OCLN: variants seen among roughly 807,000 people sequenced by gnomAD.
The protein encoded by OCLN is phosphatase 1, regulatory subunit 115.
A neutral mutation model predicts 47.9 loss-of-function variants in OCLN; 21 were observed. The ratio of observed to expected loss-of-function variants is 0.44; its 90% CI spans 0.31 to 0.63. The LOEUF is 0.63. Among genes scored for constraint, OCLN ranks in the 30% least tolerant of loss-of-function variants. The pLI is 0.08. For missense variants in OCLN, 360 were observed against 571.0 expected (o/e 0.63, Z 3.77); for synonymous variants, 117 against 198.4 (o/e 0.59, Z 3.45).
chr5:69,501,260 A>C (rs1046597913), intron 1 of OCLN, among the ~76,000 whole-genome samples: 5 of 152,114 alleles, frequency 3.3e-5, no homozygotes, highest in Admixed American at 3.3e-4. Context: ...GACAATCTGG[A>C]CTTTTGCCTT....
chr5:69,515,277 G>T (rs1364023716), intron 4 of OCLN, among the ~76,000 whole-genome samples: 1 of 140,166 alleles, frequency 7.1e-6, no homozygotes, highest in African/African-American at 2.7e-5. Context: ...GGCCGGGCGG[G>T]GGGCTGACCC....
At chr5:69,498,263 G>T (rs916028563) in intron 1 of OCLN, among the ~76,000 whole-genome samples, 5 of 152,228 alleles carry the variant, frequency 3.3e-5, no homozygotes, top group Non-Finnish European at 7.3e-5. Context: ...GGAGGCTGAG[G>T]TGGGTGGATC....
chr5:69,515,936 C>A (rs544492612), intron 4 of OCLN, among the ~76,000 whole-genome samples: 7 of 149,046 alleles, frequency 4.7e-5, no homozygotes, highest in African/African-American at 1.7e-4. Flanking sequence ...TCCTAGATGG[C>A]ATGGGGGCCG....
intron 1 of OCLN, among the ~76,000 whole-genome samples, chr5:69,500,965 C>G (rs375250656): frequency 6.6e-6 from 1 of 152,068 alleles, no homozygotes; most frequent in Admixed American, 6.6e-5. Flanking sequence ...GTCACCCACG[C>G]TGGAGTGCAG....
intron 3 of OCLN, among the ~76,000 whole-genome samples, chr5:69,511,889 G>A (rs1768798367): frequency 6.6e-6 from 1 of 152,032 alleles, no homozygotes; most frequent in African/African-American, 2.4e-5. Context: ...CCTGGACACG[G>A]TGGCGTGCCT....
Position 69,530,419 on chromosome 5 carries a change from C to T in OCLN, c.892-4275C>T, listed in dbSNP as rs79372623. ...TACTTTCCTACTGTCCTTCAAAAGC[C>T]GCAGATACTGGGTTTATACTTACTT... On this transcript the variant is annotated intron_variant, in intron 4 of 8. Transcript: ENST00000396442. 7.5e-3 allele frequency among the ~76,000 whole-genome samples: 1,138 copies of T among 152,056 alleles called. 8 individuals are homozygous for T. Among genetic ancestry groups the T allele is most frequent in the African/African-American group, 0.026 (1,067 of 41,442 alleles).
rs1361514287 is a variant in OCLN, at chr5:69,555,654, A to C, written c.*1983A>C. ...TTATATCACTGATTTATTTCTGCAA[A>C]TTGAATAAATTCTTAATTTTCTGCA... is the stretch of plus-strand genomic sequence containing the variant. On this transcript the variant is annotated 3_prime_UTR_variant, in exon 9 of 9. Coordinates refer to ENST00000396442, the MANE Select transcript of OCLN (RefSeq NM_001205254.2). 1 of 152,112 alleles carries C rather than the reference A, an allele frequency of 6.6e-6. No individual in the cohort carries two copies. The highest frequency in any genetic ancestry group is 1.5e-5 in the Non-Finnish European group (1 of 68,030). The allele number at this position is 152,112 out of a possible 1,614,324, so 9.4% of individuals were successfully genotyped here.
chr5:69,516,279 G>A (rs1395718011), intron 4 of OCLN, among the ~76,000 whole-genome samples: 1 of 152,354 alleles, frequency 6.6e-6, no homozygotes, highest in Admixed American at 6.5e-5. Context: ...CGGATCAGTC[G>A]CAGTTCGGAG....
In OCLN at chr5:69,504,100, G is replaced by A. The variant is rs181738579; in HGVS notation, c.-68-77G>A. ...GGGTGACAGGGTGAGACCCTGTCTCGGGGTGGGGGTGGGATGAAGAAAAGA... is the reference window on the plus strand; with the variant it reads ...GGGTGACAGGGTGAGACCCTGTCTCAGGGTGGGGGTGGGATGAAGAAAAGA... On this transcript the variant is annotated intron_variant, in intron 1 of 8. Transcript: ENST00000396442. The A allele has an allele frequency of 1.9e-3, 1,293 of 691,616 alleles. 2 individuals carry two copies. The highest frequency in any genetic ancestry group is 2.2e-3 in the Non-Finnish European group (830 of 373,870). 42.8% of individuals were successfully genotyped at this position (691,616 alleles called of 1,614,324 possible). A position where few individuals can be genotyped will look rare whatever the true frequency, so the allele number is the denominator to read the frequency against.
chr5:69,530,395 A>G (rs1393608200), intron 4 of OCLN, among the ~76,000 whole-genome samples: 1 of 151,976 alleles, frequency 6.6e-6, no homozygotes, highest in Admixed American at 6.6e-5. Flanking sequence ...ACCCCCTTCT[A>G]CTTTCCTACT....
intron 1 of OCLN, among the ~76,000 whole-genome samples, chr5:69,500,461 C>T (rs1284228089): frequency 6.7e-6 from 1 of 148,338 alleles, no homozygotes; most frequent in Non-Finnish European, 1.5e-5. Flanking sequence ...AGTGCAATGG[C>T]GCAATACTGG....
In OCLN at chr5:69,527,306, C is replaced by T. The variant is rs572532382; in HGVS notation, c.892-7388C>T. Among the ~76,000 whole-genome samples, 142 of 151,832 alleles carry T rather than the reference C, an allele frequency of 9.4e-4. 1 individual carries two copies. The highest frequency in any genetic ancestry group is 3.3e-3 in the African/African-American group (138 of 41,444). On this transcript the variant is annotated intron_variant, in intron 4 of 8. Coordinates refer to ENST00000396442, the MANE Select transcript of OCLN (RefSeq NM_001205254.2). ...AAAAAAAAAAGGTGAAGCAGGAACA[C>T]AAGGCACTCACGTGCAGCCTCTGCA...
At chr5:69,530,781 G>A (rs1406304690) in intron 4 of OCLN, 1 of 152,350 alleles carries the variant, frequency 6.6e-6, no homozygotes, top group Non-Finnish European at 1.5e-5. Flanking sequence ...GCTGAAGGGT[G>A]GAGTCAGTGG....
intron 4 of OCLN, among the ~76,000 whole-genome samples, chr5:69,533,012 T>TGTGTGC (rs1554055328): frequency 1.1e-4 from 16 of 147,516 alleles, no homozygotes; most frequent in African/African-American, 3.2e-4. Flanking sequence ...TGTGTGTGTG[T>TGTGTGC]GTGTGTGTGT....
chr5:69,523,081 C>T (rs1032043368), intron 4 of OCLN, among the ~76,000 whole-genome samples: 3 of 151,816 alleles, frequency 2.0e-5, no homozygotes, highest in Non-Finnish European at 4.4e-5. Flanking sequence ...CATTTGTCAC[C>T]ACTAATGGAC....
intron 5 of OCLN, among the ~76,000 whole-genome samples, chr5:69,536,603 G>A (rs1769592567): frequency 6.9e-6 from 1 of 145,562 alleles, no homozygotes; most frequent in African/African-American, 2.6e-5. Context: ...CCTGGGAGGC[G>A]GCGGTTACAG....
At chr5:69,533,907 G>A (rs987582673) in intron 4 of OCLN, among the ~76,000 whole-genome samples, 5 of 152,104 alleles carry the variant, frequency 3.3e-5, no homozygotes, top group Non-Finnish European at 5.9e-5. Flanking sequence ...TGATCCACCC[G>A]CCTCAGCCTC....
rs149411582 is a variant in OCLN, at chr5:69,496,669, G to T, written c.-69+3769G>T. 5.1e-3 allele frequency among the ~76,000 whole-genome samples: 746 copies of T among 147,292 alleles called. 2 individuals carry two copies. Among genetic ancestry groups the T allele is most frequent in the Non-Finnish European group, 7.2e-3 (489 of 67,534 alleles). On this transcript the variant is annotated intron_variant, in intron 1 of 8. Transcript: ENST00000396442. ...AATCCCTCTGCCTTGGCTTCCCAAA[G>T]TACTGGGATTACAAGTGTGAGCCAC...
At chr5:69,508,566 C>T (rs577917010) in intron 2 of OCLN, among the ~76,000 whole-genome samples, 2 of 152,226 alleles carry the variant, frequency 1.3e-5, no homozygotes, top group South Asian at 4.1e-4. Flanking sequence ...GTCTTGAACC[C>T]CTGACCTCAA....
Sources: gnomAD v4.1 joint callset for allele counts (sites outside exome capture counted in the v4.1 genomes callset) on GRCh38, gnomAD v4.1.1 for gene constraint, MANE v1.5 for transcripts, NCBI Gene and HGNC (gene_info 2026-07-23, HGNC 2026-07-21) for gene names.